Variants in MMP11 observed in about 807,000 individuals in gnomAD.
MMP11 encodes matrix metallopeptidase 11.
A neutral mutation model predicts 49.5 loss-of-function variants in MMP11; 26 were observed. The observed-to-expected ratio is 0.52, with a 90% CI of 0.38 to 0.73. The LOEUF (loss-of-function observed/expected upper bound fraction) is 0.73, where lower values mean the gene tolerates loss of function less well. Among genes scored for constraint, MMP11 ranks in the 30% least tolerant of loss-of-function variants. MMP11 has a pLI of 0.00. For synonymous variants in MMP11, 265 were observed against 282.3 expected (o/e 0.94, Z 0.62); for missense variants, 624 against 671.2 (o/e 0.93, Z 0.78).
In MMP11 at chr22:23,781,340, T is replaced by C; in HGVS notation, c.1006T>C (p.Trp336Arg). ...PGYPALASRH[W>R]QGLPSPVDAA... The stretch of plus-strand genomic sequence containing the variant: ...CTACCCAGCATTGGCCTCTCGCCAC[T>C]GGCAGGGACTGCCCAGCCCTGTGGA... The change falls in exon 6 of 8, where the codon TGG becomes CGG. Residue 336 changes from tryptophan (W) to arginine (R), a missense_variant. Coordinates refer to ENST00000215743, the MANE Select transcript of MMP11 (RefSeq NM_005940.5). 6.2e-7 allele frequency: 1 copy of C among 1,613,494 alleles called. No individual in the cohort carries two copies. Among genetic ancestry groups the C allele is most frequent in the Non-Finnish European group, 8.5e-7 (1 of 1,179,916 alleles).
Position 23,780,964 on chromosome 22 carries a change from A to C in MMP11, c.722A>C (p.Tyr241Ser). 6.2e-7 allele frequency: 1 copy of C among 1,613,752 alleles called. No individual in the cohort carries two copies. The highest frequency in any genetic ancestry group is 8.5e-7 in the Non-Finnish European group (1 of 1,179,996). ...ALMSAFYTFR[Y>S]PLSLSPDDCR... ...ATGTCCGCCTTCTACACCTTTCGCT[A>C]CCCACTGAGTCTCAGCCCAGATGAC... Residue 241 changes from tyrosine (Y) to serine (S), a missense_variant, in exon 5 of 8, where the codon TAC becomes TCC. Coordinates refer to ENST00000215743, the MANE Select transcript of MMP11 (RefSeq NM_005940.5). The surrounding 1 kb of genome is among the most constrained non-coding windows in gnomAD (Gnocchi z 4.6).
intron 1 of MMP11, among the ~76,000 whole-genome samples, chr22:23,775,118 T>C (rs755210594): frequency 6.6e-6 from 1 of 152,194 alleles, no homozygotes; most frequent in Non-Finnish European, 1.5e-5. Flanking sequence ...AAGTGGGTTT[T>C]GGAGAAAAGC....
At position 23,781,997 on chromosome 22, in the gene MMP11, A is replaced by C. The variant is rs1439035689; in HGVS notation, c.1076-229A>C. 3 of 685,436 alleles carry C rather than the reference A, an allele frequency of 4.4e-6. No homozygotes were observed. The South Asian group carries it at 5.2e-5, about 12-fold the overall frequency. 42.5% of individuals were successfully genotyped at this position (685,436 alleles called of 1,614,324 possible). On this transcript the variant is annotated intron_variant, in intron 6 of 7. Transcript: ENST00000215743. ...GCCCAGGCAGCCCTCTACTGATGAG[A>C]GTAACCTCACCCGTGCACTAGTTTA...
intron 7 of MMP11, 127 bp from the exon 8 acceptor site, chr22:23,783,281 CGAG>C: frequency 9.0e-7 from 1 of 1,112,110 alleles, no homozygotes; most frequent in Non-Finnish European, 1.3e-6. Context: ...CTGCAGGACT[CGAG>C]GAACTCAGCA....
intron 6 of MMP11, chr22:23,781,914 G>T: frequency 3.0e-6 from 2 of 659,964 alleles, no homozygotes; most frequent in South Asian, 1.5e-5. Context: ...GCCTGCAGGG[G>T]CCCAGGGAGT....
In MMP11 at chr22:23,783,471, C is replaced by T. The variant is rs1927719876; in HGVS notation, c.1394C>T (p.Ala465Val). ...AAGTTTGACCCTGTGAAGGTGAAGGCTCTGGAAGGCTTCCCCCGTCTCGTG... is the reference window on the plus strand; with the variant it reads ...AAGTTTGACCCTGTGAAGGTGAAGGTTCTGGAAGGCTTCCCCCGTCTCGTG... ...YWKFDPVKVK[A>V]LEGFPRLVGP... Residue 465 changes from alanine to valine, a missense_variant, in exon 8 of 8, where the codon GCT (alanine) becomes GTT (valine). Ala to Val is a moderately conservative substitution (Grantham distance 64). Transcript: ENST00000215743. 2 of 1,614,092 alleles carry T rather than the reference C, an allele frequency of 1.2e-6. No individual in the cohort carries two copies. Among genetic ancestry groups the T allele is most frequent in the African/African-American group, 1.3e-5 (1 of 74,944 alleles).
chr22:23,781,578 A>T, intron 6 of MMP11, 169 bp downstream of exon 6: 1 of 688,412 alleles, frequency 1.5e-6, no homozygotes, highest in East Asian at 2.7e-5. Context: ...AGGCACAGGT[A>T]GGAGGTTCTC....
Position 23,779,207 on chromosome 22 carries a change from C to T in MMP11, c.129C>T (p.Ala43=), listed in dbSNP as rs768284130. 1.9e-5 allele frequency: 31 copies of T among 1,602,522 alleles called. No individual in the cohort carries two copies. Among genetic ancestry groups the T allele is most frequent in the Middle Eastern group, 1.6e-4 (1 of 6,066 alleles). Residue 43 remains alanine, a synonymous_variant, in exon 2 of 8, where the codon GCC becomes GCT. Transcript: ENST00000215743. ...ALPPDAHHLH[A]ERRGPQPWHA... The stretch of plus-strand genomic sequence containing the variant: ...CCTAGGACGCCCACCACCTCCATGC[C>T]GAGAGGAGGGGGCCACAGCCCTGGC...
chr22:23,782,093 T>G, intron 6 of MMP11, 133 bp from the exon 7 acceptor site: 105 of 1,290,808 alleles, frequency 8.1e-5, no homozygotes, highest in Non-Finnish European at 1.0e-4. Context: ...TGAGCAGGCA[T>G]TATTGGCCTG....
At chr22:23,781,631 C>T (rs1040324027) in intron 6 of MMP11, 41 of 633,724 alleles carry the variant, frequency 6.5e-5, no homozygotes, top group African/African-American at 3.3e-4. Context: ...AGGGATTGCA[C>T]GGTGGGGCCT....
At chr22:23,778,361 C>T (rs752873287) in intron 1 of MMP11, among the ~76,000 whole-genome samples, 10 of 152,348 alleles carry the variant, frequency 6.6e-5, no homozygotes, top group East Asian at 3.9e-4. Context: ...AGGTCTGAAT[C>T]GCCATCTGTG....
At chr22:23,775,397 C>CA (rs1406360486) in intron 1 of MMP11, among the ~76,000 whole-genome samples, 1 of 152,236 alleles carries the variant, frequency 6.6e-6, no homozygotes, top group Non-Finnish European at 1.5e-5. Context: ...TCACAAGTAG[C>CA]AAGCTGCTTC....
intron 1 of MMP11, among the ~76,000 whole-genome samples, chr22:23,773,686 A>G (rs116305639): frequency 6.6e-6 from 1 of 152,078 alleles, no homozygotes; most frequent in Non-Finnish European, 1.5e-5. Context: ...GAGAGGAGGG[A>G]CTGTCATGGA....
At chr22:23,781,838 A>C in intron 6 of MMP11, 1 of 591,528 alleles carries the variant, frequency 1.7e-6, no homozygotes. Flanking sequence ...GGAGCATTGC[A>C]GATGCCAGGG....
At chr22:23,773,266 G>A (rs1481239973) in intron 1 of MMP11, among the ~76,000 whole-genome samples, 2 of 152,224 alleles carry the variant, frequency 1.3e-5, no homozygotes, top group East Asian at 1.9e-4. Flanking sequence ...CCAGCCGCGG[G>A]TGCTGGAGTG....
intron 1 of MMP11, among the ~76,000 whole-genome samples, chr22:23,774,651 C>G (rs1402084638): frequency 6.6e-6 from 1 of 152,146 alleles, no homozygotes; most frequent in Non-Finnish European, 1.5e-5. Context: ...GGTTGCTTGA[C>G]CTCTCTGAGC....
At chr22:23,775,271 G>A (rs28363627) in intron 1 of MMP11, among the ~76,000 whole-genome samples, 1 of 152,334 alleles carries the variant, frequency 6.6e-6, no homozygotes, top group African/African-American at 2.4e-5. Flanking sequence ...TGGGAAATGG[G>A]GGAGCTGCTT....
chr22:23,774,587 G>A (rs1282367056), intron 1 of MMP11, among the ~76,000 whole-genome samples: 1 of 152,094 alleles, frequency 6.6e-6, no homozygotes, highest in Non-Finnish European at 1.5e-5. Flanking sequence ...AGATTAGGTG[G>A]AAGCTTGAGG....
intron 6 of MMP11, chr22:23,781,615 C>T (rs775198043): frequency 7.8e-5 from 49 of 631,584 alleles, no homozygotes; most frequent in Non-Finnish European, 1.2e-4. Flanking sequence ...ATAGGAGCAG[C>T]GTGGAAGGGA....
Sources: allele counts gnomAD v4.1 joint callset (sites outside exome capture counted in the v4.1 genomes callset), GRCh38; gene constraint gnomAD v4.1.1; non-coding constraint Gnocchi (gnomAD v3.1); transcripts MANE v1.5; gene names NCBI Gene and HGNC (gene_info 2026-07-23, HGNC 2026-07-21).